Variants in SH3RF3 observed in about 807,000 individuals in gnomAD.
The protein encoded by SH3RF3 is SH3 domain containing ring finger 3, also known as E3 ubiquitin-protein ligase SH3RF3.
A neutral mutation model predicts 66.3 loss-of-function variants in SH3RF3; 29 were observed. That is an observed-to-expected ratio of 0.44 (90% confidence interval 0.33 to 0.60). The LOEUF is 0.60. SH3RF3 is among the 20% of genes least tolerant of loss of function. The probability of loss-of-function intolerance (pLI) is 0.04; values close to 1 mark genes in which losing one functional copy is unlikely to be tolerated. For missense variants in SH3RF3, 1,194 were observed against 1,190.9 expected (o/e 1.00, Z -0.04); for synonymous variants, 583 against 532.0 (o/e 1.10, Z -1.32).
chr2:109,192,954 C>G (rs1283573760), intron 1 of SH3RF3, among the ~76,000 whole-genome samples: 4 of 152,044 alleles, frequency 2.6e-5, no homozygotes, highest in African/African-American at 9.7e-5. Flanking sequence ...GGGTGTTTTG[C>G]AAGAAGAAGA....
chr2:109,343,041 A>C (rs1682593172), intron 1 of SH3RF3, among the ~76,000 whole-genome samples: 1 of 152,154 alleles, frequency 6.6e-6, no homozygotes, highest in Non-Finnish European at 1.5e-5. Flanking sequence ...CCGCAGTGTG[A>C]GAAGTTCTTC....
At chr2:109,465,238 G>A (rs1326919716) in intron 8 of SH3RF3, among the ~76,000 whole-genome samples, 1 of 152,186 alleles carries the variant, frequency 6.6e-6, no homozygotes, top group Admixed American at 6.5e-5. Context: ...GGACATCTTA[G>A]TTGCTTCTCA....
At chr2:109,273,664 G>A (rs894120272) in intron 1 of SH3RF3, among the ~76,000 whole-genome samples, 3 of 152,154 alleles carry the variant, frequency 2.0e-5, no homozygotes, top group Non-Finnish European at 2.9e-5. Flanking sequence ...TTAAACATGC[G>A]CAACTGCTGA....
chr2:109,186,671 A>G lies in SH3RF3; in HGVS notation c.573+56558A>G, dbSNP rs551177328. On this transcript the variant is annotated intron_variant, in intron 1 of 9. Coordinates refer to ENST00000309415, the MANE Select transcript of SH3RF3 (RefSeq NM_001099289.3). ...GCCCCCTAGGAAGACCCTGCGGGAA[A>G]TGCATCTTACTAGCTTTTCTCAAAG... Among the ~76,000 whole-genome samples the G allele has an allele frequency of 2.8e-4, 42 of 152,316 alleles. No homozygotes were observed. In the South Asian group the frequency reaches 8.5e-3, roughly 31 times the overall value.
At chr2:109,269,119 C>T (rs1450061743) in intron 1 of SH3RF3, among the ~76,000 whole-genome samples, 1 of 152,196 alleles carries the variant, frequency 6.6e-6, no homozygotes, top group Non-Finnish European at 1.5e-5. Context: ...GGATTTTGTG[C>T]TGAGTGGCAT....
At chr2:109,495,638 T>C (rs1679241278) in intron 9 of SH3RF3, among the ~76,000 whole-genome samples, 1 of 151,800 alleles carries the variant, frequency 6.6e-6, no homozygotes, top group Non-Finnish European at 1.5e-5. Context: ...ATTACAGGCG[T>C]CCACTGACAT....
chr2:109,394,088 G>C (rs1026141969), intron 3 of SH3RF3, among the ~76,000 whole-genome samples: 2 of 152,150 alleles, frequency 1.3e-5, no homozygotes, highest in Non-Finnish European at 2.9e-5. Context: ...CAAGGCTAAA[G>C]AGCACTCTAA....
chr2:109,366,270 T>G (rs1683148971), intron 2 of SH3RF3, among the ~76,000 whole-genome samples: 1 of 152,194 alleles, frequency 6.6e-6, no homozygotes, highest in South Asian at 2.1e-4. Flanking sequence ...CTTACTTTGC[T>G]TTTTTCGTTT....
chr2:109,343,673 C>T (rs1682610703), intron 1 of SH3RF3, among the ~76,000 whole-genome samples: 1 of 152,052 alleles, frequency 6.6e-6, no homozygotes, highest in East Asian at 1.9e-4. Flanking sequence ...TGGGTTACCA[C>T]CTGTGGAGAG....
chr2:109,179,463 C>T (rs1678014520), intron 1 of SH3RF3, among the ~76,000 whole-genome samples: 1 of 152,088 alleles, frequency 6.6e-6, no homozygotes, highest in Non-Finnish European at 1.5e-5. Flanking sequence ...GTGTCCTTGT[C>T]TTTGTGTGTT....
At chr2:109,347,555 CTG>C in intron 1 of SH3RF3, 117 bp from the exon 2 acceptor site, 3 of 1,369,882 alleles carry the variant, frequency 2.2e-6, no homozygotes, top group Middle Eastern at 2.4e-4. Flanking sequence ...GCGGGGCACT[CTG>C]TATGCACCCC....
At chr2:109,293,994 C>G (rs1382939650) in intron 1 of SH3RF3, among the ~76,000 whole-genome samples, 2 of 152,170 alleles carry the variant, frequency 1.3e-5, no homozygotes, top group Non-Finnish European at 2.9e-5. Flanking sequence ...GGGGGCAGTG[C>G]TTGGCCGAGC....
chr2:109,458,582 G>GAGAGAGAGAGAGAGAGAGAGAGAGAGA (rs1231031455), intron 8 of SH3RF3, among the ~76,000 whole-genome samples: 2 of 150,968 alleles, frequency 1.3e-5, no homozygotes, highest in Non-Finnish European at 3.0e-5. Flanking sequence ...CAGAGAGAGA[G>GAGAGAGAGAGAGAGAGAGAGAGAGAGA]AGAGAGAGAG....
intron 1 of SH3RF3, among the ~76,000 whole-genome samples, chr2:109,324,947 C>T (rs1232288059): frequency 6.6e-6 from 1 of 152,166 alleles, no homozygotes; most frequent in African/African-American, 2.4e-5. Context: ...ACAGTAATGA[C>T]TAGTATAGAC....
chr2:109,419,572 G>T lies in SH3RF3; in HGVS notation c.1333G>T (p.Ala445Ser). The T allele has an allele frequency of 6.3e-7, 1 of 1,598,672 alleles. No individual in the cohort carries two copies. Among genetic ancestry groups the T allele is most frequent in the Non-Finnish European group, 8.5e-7 (1 of 1,173,576 alleles). The change falls in exon 5 of 10, where the codon GCT becomes TCT. Residue 445 changes from alanine to serine, a missense_variant. By Grantham distance (99) the Ala-to-Ser change is moderately conservative. Transcript: ENST00000309415. The stretch of plus-strand genomic sequence containing the variant: ...CTCCTCGGCGGGATCTACCCCCACG[G>T]CTGTCCCACGGGCTGCCTCGGTGTC... ...VSSSAGSTPTAVPRAASVSGE... is the reference protein window; with the variant it reads ...VSSSAGSTPTSVPRAASVSGE...
At chr2:109,369,319 A>G (rs1190782599) in intron 2 of SH3RF3, among the ~76,000 whole-genome samples, 3 of 152,174 alleles carry the variant, frequency 2.0e-5, no homozygotes, top group African/African-American at 2.4e-5. Context: ...ATTGCACTCC[A>G]GTCTGGCGAC....
intron 2 of SH3RF3, 30 bp from the exon 3 acceptor site, chr2:109,371,556 C>G: frequency 6.3e-7 from 1 of 1,595,924 alleles, no homozygotes; most frequent in Non-Finnish European, 8.6e-7. Context: ...TGTCCGTATG[C>G]TTGTGTCCAC....
intron 1 of SH3RF3, among the ~76,000 whole-genome samples, chr2:109,327,549 G>A (rs1030356315): frequency 6.6e-6 from 1 of 152,160 alleles, no homozygotes; most frequent in Non-Finnish European, 1.5e-5. Context: ...AAATGCATTT[G>A]AACTATACAT....
At chr2:109,205,669 C>T (rs1030789904) in intron 1 of SH3RF3, among the ~76,000 whole-genome samples, 2 of 152,174 alleles carry the variant, frequency 1.3e-5, no homozygotes, top group Admixed American at 1.3e-4. Context: ...GTGTCAGGGT[C>T]TGCACCGTAT....
Sources: gnomAD v4.1 joint callset for allele counts (sites outside exome capture counted in the v4.1 genomes callset) on GRCh38, gnomAD v4.1.1 for gene constraint, MANE v1.5 for transcripts, NCBI Gene and HGNC (gene_info 2026-07-23, HGNC 2026-07-21) for gene names.